Variants in SLC30A9 observed in about 807,000 individuals in gnomAD.
SLC30A9 encodes the protein solute carrier family 30 member 9, also known as proton-coupled zinc antiporter SLC30A9, mitochondrial.
A neutral mutation model predicts 87.5 loss-of-function variants in SLC30A9; 58 were observed. The ratio of observed to expected loss-of-function variants is 0.66; its 90% CI spans 0.54 to 0.82. The LOEUF is 0.82. Ranked by LOEUF, SLC30A9 falls within the 40% of genes least tolerant of loss-of-function variation. The probability of loss-of-function intolerance (pLI) is 0.00; values close to 1 mark genes in which losing one functional copy is unlikely to be tolerated. For missense variants in SLC30A9, 557 were observed against 679.1 expected (o/e 0.82, Z 2.00); for synonymous variants, 234 against 233.0 (o/e 1.00, Z -0.04).
Position 42,082,829 on chromosome 4 carries a change from C to T in SLC30A9, c.1663-3253C>T, listed in dbSNP as rs1694202962. On this transcript the variant is annotated intron_variant, in intron 17 of 17. Transcript: ENST00000264451. ...TGCCACTGCACTTCAGCCTGGGTGA[C>T]AGAGCAAGACTCCATCTCAAAAAAA... Among the ~76,000 whole-genome samples the T allele has an allele frequency of 2.2e-5, 3 of 137,946 alleles. No homozygotes were observed. The Admixed American group carries it at 2.3e-4, about 11-fold the overall frequency. 90.5% of individuals were successfully genotyped at this position (137,946 alleles called of 152,430 possible).
chr4:42,040,752 C>T (rs1272021483), intron 8 of SLC30A9, among the ~76,000 whole-genome samples: 31 of 135,024 alleles, frequency 2.3e-4, no homozygotes, highest in African/African-American at 6.5e-4. Flanking sequence ...GCCAAGATTG[C>T]GCCACTGCAC....
chr4:42,035,209 C>A, intron 6 of SLC30A9, 66 bp from the exon 7 acceptor site: 1 of 1,460,974 alleles, frequency 6.8e-7, no homozygotes, highest in Non-Finnish European at 9.5e-7. Context: ...AAGAGAATAT[C>A]ATGTTCATCT....
chr4:42,058,719 G>A (rs10938173), intron 9 of SLC30A9, among the ~76,000 whole-genome samples: 100,161 of 152,058 alleles, frequency 0.66, 37,175 homozygotes, highest in East Asian at 0.96. Flanking sequence ...GAGCTTGTGC[G>A]GGGAAACTCC....
intron 7 of SLC30A9, 125 bp from the exon 8 acceptor site, chr4:42,038,861 A>G: frequency 1.6e-6 from 1 of 624,834 alleles, no homozygotes; most frequent in South Asian, 2.2e-5. Context: ...CTTCTAGAGA[A>G]AAATAAGTAA....
intron 8 of SLC30A9, among the ~76,000 whole-genome samples, chr4:42,043,266 C>G (rs113408041): frequency 6.6e-6 from 1 of 152,200 alleles, no homozygotes; most frequent in African/African-American, 2.4e-5. Context: ...TAATAACAAA[C>G]TCCTCCAAGC....
chr4:42,007,636 A>G (rs1715269599), intron 2 of SLC30A9, among the ~76,000 whole-genome samples: 1 of 152,140 alleles, frequency 6.6e-6, no homozygotes, highest in African/African-American at 2.4e-5. Flanking sequence ...ACGCACCTGT[A>G]GTCCCAGCTA....
At chr4:42,031,300 A>G (rs1409487527) in intron 6 of SLC30A9, among the ~76,000 whole-genome samples, 2 of 152,218 alleles carry the variant, frequency 1.3e-5, no homozygotes, top group East Asian at 1.9e-4. Context: ...TGCAGCAGAT[A>G]TATTTTCCAA....
chr4:41,992,266 A>T (rs1714477440), intron 1 of SLC30A9, among the ~76,000 whole-genome samples: 1 of 151,898 alleles, frequency 6.6e-6, no homozygotes, highest in South Asian at 2.1e-4. Context: ...GCTTGAGCCC[A>T]GGAAATTGAG....
intron 2 of SLC30A9, among the ~76,000 whole-genome samples, chr4:42,014,696 A>G (rs1434898876): frequency 2.6e-5 from 4 of 152,252 alleles, no homozygotes; most frequent in Non-Finnish European, 4.4e-5. Context: ...GATATGGTCT[A>G]TATATACAAT....
intron 8 of SLC30A9, among the ~76,000 whole-genome samples, chr4:42,048,846 C>T (rs1047180588): frequency 2.6e-5 from 4 of 152,218 alleles, no homozygotes; most frequent in African/African-American, 7.2e-5. Flanking sequence ...AATTTGCTTA[C>T]ACATAGCATG....
intron 16 of SLC30A9, among the ~76,000 whole-genome samples, chr4:42,076,274 G>T (rs1049749977): frequency 4.6e-5 from 7 of 152,008 alleles, no homozygotes; most frequent in Admixed American, 4.6e-4. Flanking sequence ...TTAACATTTT[G>T]CTATAGTGTA....
chr4:42,080,682 A>G (rs1045130437), intron 17 of SLC30A9, among the ~76,000 whole-genome samples: 3 of 152,228 alleles, frequency 2.0e-5, no homozygotes, highest in African/African-American at 7.2e-5. Flanking sequence ...GCCCCCAGAT[A>G]AACAAAGACA....
chr4:41,999,597 T>C (rs993708110), intron 1 of SLC30A9, among the ~76,000 whole-genome samples: 2 of 152,064 alleles, frequency 1.3e-5, no homozygotes, highest in Non-Finnish European at 2.9e-5. Context: ...CCATAGGAAT[T>C]CAGTCAGCAA....
intron 1 of SLC30A9, among the ~76,000 whole-genome samples, chr4:41,992,013 A>G (rs900717280): frequency 2.0e-5 from 3 of 152,166 alleles, no homozygotes; most frequent in African/African-American, 7.2e-5. Flanking sequence ...CATATTGGCA[A>G]TATACTGCCA....
intron 1 of SLC30A9, among the ~76,000 whole-genome samples, chr4:41,998,666 A>G (rs1404719302): frequency 2.0e-5 from 3 of 151,944 alleles, no homozygotes; most frequent in Non-Finnish European, 2.9e-5. Flanking sequence ...GGGTTTCACT[A>G]TGTTGGCCAG....
rs1718925051 is a variant in SLC30A9 at position 42,086,316 on chromosome 4, A to C, written c.*190A>C. ...GAACTAAAACTACTACTTACATCTA[A>C]CAGACACACTACAAGTTGAATCAAT... On this transcript the variant is annotated 3_prime_UTR_variant, in exon 18 of 18. Transcript: ENST00000264451. 2 of 400,662 alleles carry C rather than the reference A, an allele frequency of 5.0e-6. No homozygotes were observed. The highest frequency in any genetic ancestry group is 1.9e-4 in the South Asian group (2 of 10,446). The allele number at this position is 400,662 out of a possible 1,614,324, so 24.8% of individuals were successfully genotyped here.
intron 2 of SLC30A9, among the ~76,000 whole-genome samples, chr4:42,012,456 AAAG>A (rs1715487140): frequency 1.3e-5 from 2 of 151,488 alleles, no homozygotes; most frequent in African/African-American, 4.9e-5. Context: ...CATTTTAAAA[AAAG>A]CTTATTTTCT....
intron 6 of SLC30A9, among the ~76,000 whole-genome samples, chr4:42,031,266 G>GAA (rs200751323): frequency 1.4e-5 from 2 of 138,986 alleles, no homozygotes; most frequent in Admixed American, 7.2e-5. Flanking sequence ...ATGAATACAT[G>GAA]AAAAAAAAAA....
At chr4:41,992,691 T>C (rs900700624) in intron 1 of SLC30A9, among the ~76,000 whole-genome samples, 1 of 152,036 alleles carries the variant, frequency 6.6e-6, no homozygotes, top group Admixed American at 6.6e-5. Flanking sequence ...AAAATTAAAA[T>C]TTTTTTTACA....
Sources: allele counts gnomAD v4.1 joint callset (sites outside exome capture counted in the v4.1 genomes callset), GRCh38; gene constraint gnomAD v4.1.1; transcripts MANE v1.5; gene names NCBI Gene and HGNC (gene_info 2026-07-23, HGNC 2026-07-21).